Variants in CHM observed in about 807,000 individuals in gnomAD.
CHM encodes the protein rab proteins geranylgeranyltransferase component A 1.
CHM carries 10 observed loss-of-function variants against 49.0 expected under a neutral mutation model. That is an observed-to-expected ratio of 0.20 (90% CI 0.13 to 0.35). The LOEUF is 0.35. Among genes scored for constraint, CHM ranks in the 10% least tolerant of loss-of-function variants. The pLI, the probability that CHM is intolerant of heterozygous loss-of-function variation, is 1.00. For synonymous variants in CHM, 184 were observed against 167.5 expected (o/e 1.10, Z -0.76); for missense variants, 455 against 478.4 (o/e 0.95, Z 0.46).
At chrX:85,873,694 T>A (rs1282338053) in intron 13 of CHM, among the ~76,000 whole-genome samples, 1 of 111,052 alleles carries the variant, frequency 9.0e-6, no homozygotes, top group Non-Finnish European at 1.9e-5. Flanking sequence ...ATGGAAATGT[T>A]CTAAAACTGA....
chrX:85,904,641 T>C (rs1340579168), intron 9 of CHM, among the ~76,000 whole-genome samples: 1 of 111,787 alleles, frequency 8.9e-6, no homozygotes, highest in Non-Finnish European at 1.9e-5. Context: ...AACAAAATAA[T>C]TTTCCCTAGT....
At chrX:85,915,964 G>A (rs1379384048) in intron 8 of CHM, among the ~76,000 whole-genome samples, 14 of 112,065 alleles carry the variant, frequency 1.2e-4, no homozygotes, top group African/African-American at 4.5e-4. Context: ...AATTTATATG[G>A]AACCGTAAAA....
intron 2 of CHM, among the ~76,000 whole-genome samples, chrX:85,982,169 G>A (rs868491587): frequency 1.8e-4 from 20 of 111,588 alleles, no homozygotes; most frequent in Non-Finnish European, 3.4e-4. Flanking sequence ...AACCTTGATA[G>A]ATCTCAAAGA....
chrX:85,879,270 T>C (rs1023432677), intron 12 of CHM, among the ~76,000 whole-genome samples: 5 of 111,591 alleles, frequency 4.5e-5, no homozygotes, highest in African/African-American at 1.3e-4. Context: ...TAGAAAATCT[T>C]AGACAATCAT....
intron 13 of CHM, among the ~76,000 whole-genome samples, chrX:85,875,560 G>C (rs1484805869): frequency 8.9e-6 from 1 of 111,813 alleles, no homozygotes; most frequent in Admixed American, 9.6e-5. Context: ...TTTAGGGATA[G>C]AGTAAACTAT....
chrX:86,047,336 G>A (rs1934689194), intron 1 of CHM, 148 bp downstream of exon 1: 5 of 544,899 alleles, frequency 9.2e-6, no homozygotes, highest in Non-Finnish European at 9.7e-6. Flanking sequence ...GCCAACTCCC[G>A]CGCTGACTCC....
intron 8 of CHM, among the ~76,000 whole-genome samples, chrX:85,921,786 T>C (rs2148183841): frequency 8.9e-6 from 1 of 112,749 alleles, no homozygotes; most frequent in East Asian, 2.8e-4. Flanking sequence ...TATTCATACA[T>C]ATGCATTTAT....
At chrX:86,015,776 G>T (rs910572826) in intron 2 of CHM, among the ~76,000 whole-genome samples, 3 of 112,265 alleles carry the variant, frequency 2.7e-5, no homozygotes, top group Non-Finnish European at 5.6e-5. Context: ...GTGGAACTTT[G>T]AACTTGAGAA....
intron 3 of CHM, 50 bp downstream of exon 3, chrX:85,981,687 G>T: frequency 1.1e-6 from 1 of 909,613 alleles, no homozygotes; most frequent in Non-Finnish European, 1.6e-6. Flanking sequence ...GGGTTACTAT[G>T]TAACATACAA....
intron 2 of CHM, among the ~76,000 whole-genome samples, chrX:86,004,790 T>C (rs1448798242): frequency 9.0e-6 from 1 of 111,269 alleles, no homozygotes; most frequent in Admixed American, 9.5e-5. Flanking sequence ...ACAAAGAGAC[T>C]TAGACTCCCA....
At chrX:86,017,055 C>CA (rs1399741820) in intron 2 of CHM, among the ~76,000 whole-genome samples, 1 of 112,478 alleles carries the variant, frequency 8.9e-6, no homozygotes, top group Non-Finnish European at 1.9e-5. Context: ...TTCGGACTTG[C>CA]ATGGGCCCTA....
chrX:85,998,622 G>A (rs1456297430), intron 2 of CHM, among the ~76,000 whole-genome samples: 1 of 111,794 alleles, frequency 8.9e-6, no homozygotes, highest in East Asian at 2.8e-4. Context: ...AGGCAACACT[G>A]TAGAGTATCA....
chrX:85,997,351 T>C (rs1358248419), intron 2 of CHM, among the ~76,000 whole-genome samples: 1 of 111,625 alleles, frequency 9.0e-6, no homozygotes, highest in African/African-American at 3.3e-5. Context: ...TCTGTTTTAT[T>C]GTTCACCTCG....
chrX:85,921,659 T>C (rs1476783122), intron 8 of CHM, among the ~76,000 whole-genome samples: 1 of 112,124 alleles, frequency 8.9e-6, no homozygotes, highest in Non-Finnish European at 1.9e-5. Context: ...AACCGTAAAC[T>C]GAAAAGCAGA....
intron 8 of CHM, among the ~76,000 whole-genome samples, chrX:85,940,603 C>T (rs754303204): frequency 2.2e-5 from 2 of 92,223 alleles, no homozygotes; most frequent in African/African-American, 7.9e-5. Flanking sequence ...GCCCTTTCCC[C>T]AACACAGAGA....
intron 3 of CHM, among the ~76,000 whole-genome samples, chrX:85,979,137 A>G: frequency 8.9e-6 from 1 of 112,292 alleles, no homozygotes; most frequent in East Asian, 2.8e-4. Flanking sequence ...CTGTCAGGGT[A>G]TATGAAATTT....
intron 1 of CHM, among the ~76,000 whole-genome samples, chrX:86,032,657 T>C (rs1934088091): frequency 8.9e-6 from 1 of 112,297 alleles, no homozygotes; most frequent in African/African-American, 3.2e-5. Context: ...AATTATTACA[T>C]TCATTAGAGA....
intron 1 of CHM, among the ~76,000 whole-genome samples, chrX:86,038,495 C>A (rs1309588366): frequency 8.9e-6 from 1 of 112,022 alleles, no homozygotes; most frequent in Non-Finnish European, 1.9e-5. Context: ...TGTGCCCCTA[C>A]CGCCTGGGGC....
At chrX:85,914,926 A>G (rs1417585683) in intron 8 of CHM, among the ~76,000 whole-genome samples, 1 of 111,389 alleles carries the variant, frequency 9.0e-6, no homozygotes, top group African/African-American at 3.3e-5. Flanking sequence ...TAGAGCATGC[A>G]GCCCAGGACA....
Sources: gnomAD v4.1 joint callset for allele counts (sites outside exome capture counted in the v4.1 genomes callset) on GRCh38, gnomAD v4.1.1 for gene constraint, MANE v1.5 for transcripts, NCBI Gene and HGNC (gene_info 2026-07-23, HGNC 2026-07-21) for gene names.